ELMOD2: variants seen among roughly 807,000 people sequenced by gnomAD.
ELMOD2 encodes the protein ELMO domain containing 2.
ELMOD2 carries 28 observed loss-of-function variants against 41.0 expected under a neutral mutation model. The observed-to-expected ratio is 0.68, with a 90% CI of 0.51 to 0.94. The LOEUF is 0.94. ELMOD2 is among the 40% of genes least tolerant of loss of function. ELMOD2 has a pLI of 0.00. For synonymous variants in ELMOD2, 106 were observed against 107.2 expected (o/e 0.99, Z 0.07); for missense variants, 333 against 343.1 (o/e 0.97, Z 0.23).
intron 3 of ELMOD2, among the ~76,000 whole-genome samples, chr4:140,529,326 G>T (rs756101951): frequency 3.9e-5 from 6 of 152,204 alleles, no homozygotes; most frequent in African/African-American, 1.2e-4. Flanking sequence ...AAACAAGTTG[G>T]TTTGGAACTA....
intron 3 of ELMOD2, among the ~76,000 whole-genome samples, chr4:140,531,259 C>G (rs1159672676): frequency 6.6e-6 from 1 of 152,046 alleles, no homozygotes; most frequent in Non-Finnish European, 1.5e-5. Context: ...GTGCACTGTT[C>G]CACAGTGTGC....
At chr4:140,530,862 T>G (rs1734724345) in intron 3 of ELMOD2, among the ~76,000 whole-genome samples, 1 of 152,142 alleles carries the variant, frequency 6.6e-6, no homozygotes, top group Admixed American at 6.6e-5. Flanking sequence ...TAATTACATT[T>G]TTATTCGATA....
rs1421157522 is a variant in ELMOD2, at chr4:140,550,403, C to T, written c.*28C>T. On this transcript the variant is annotated 3_prime_UTR_variant, in exon 9 of 9. Transcript: ENST00000323570. ...CATCCACTGTATCTTCTATTTCTAC[C>T]ACATTTTGCACATTCAACAGAATTT... 2 of 1,559,316 alleles carry T rather than the reference C, an allele frequency of 1.3e-6. No individual in the cohort carries two copies.
chr4:140,550,367 A>G lies in ELMOD2; in HGVS notation c.874A>G (p.Lys292Glu), dbSNP rs139606864. The stretch of plus-strand genomic sequence containing the variant: ...GGATTGTAATGTAGCACTTACTTTA[A>G]AAGTATAAATCATCCACTGTATCTT... The part of the protein sequence containing the change: ...LLDCNVALTL[K>E]V The change falls in exon 9 of 9, where the codon AAA becomes GAA. Residue 292 changes from lysine (K) to glutamate (E), a missense_variant. Transcript: ENST00000323570. 41 of 1,601,582 alleles carry G rather than the reference A, an allele frequency of 2.6e-5. No individual in the cohort carries two copies. The African/African-American group carries it at 5.4e-4, about 21-fold the overall frequency.
chr4:140,541,048 T>C (rs1056637830), intron 6 of ELMOD2, among the ~76,000 whole-genome samples: 5 of 152,258 alleles, frequency 3.3e-5, no homozygotes, highest in Non-Finnish European at 7.3e-5. Context: ...CTCTCCTTTA[T>C]CTTCTTTAAT....
rs1223982732 is a variant in ELMOD2 at position 140,541,371 on chromosome 4, CTGT to C, written c.533+1072_533+1074del. On this transcript the variant is annotated intron_variant, in intron 6 of 8. Coordinates refer to ENST00000323570, the MANE Select transcript of ELMOD2 (RefSeq NM_153702.4). ...GATGTTTATTTTTCACCATTTGATACTGTTAAGATTGAGGTTAACTAAATTCAG... is the reference window on the plus strand; with the variant it reads ...GATGTTTATTTTTCACCATTTGATACTAAGATTGAGGTTAACTAAATTCAG... Among the ~76,000 whole-genome samples, 7 of 151,998 alleles carry C rather than the reference CTGT, an allele frequency of 4.6e-5. No individual in the cohort carries two copies. The South Asian group carries it at 6.2e-4, about 14-fold the overall frequency.
intron 3 of ELMOD2, chr4:140,527,832 A>G (rs995608440): frequency 2.4e-5 from 5 of 212,530 alleles, no homozygotes; most frequent in African/African-American, 1.1e-4. Flanking sequence ...AAAGCAACTT[A>G]GGATAGAGAA....
rs1578759155 is a variant in ELMOD2, at chr4:140,531,942, G to T, written c.172-3791G>T. 2.6e-5 allele frequency among the ~76,000 whole-genome samples: 4 copies of T among 152,088 alleles called. No homozygotes were observed. In the East Asian group the frequency reaches 7.7e-4, roughly 29 times the overall value. ...AGTGAAGTGTTAAACATTTAAGGGA[G>T]AAGAAATAATACCACTATTACATTA... On this transcript the variant is annotated intron_variant, in intron 3 of 8. Transcript: ENST00000323570.
chr4:140,540,952 A>G (rs1197734215), intron 6 of ELMOD2, among the ~76,000 whole-genome samples: 2 of 152,152 alleles, frequency 1.3e-5, no homozygotes, highest in Non-Finnish European at 1.5e-5. Context: ...AGGTGATAAT[A>G]AAGTCTCTTT....
At chr4:140,535,921 A>G (rs1734910435) in intron 4 of ELMOD2, 91 bp downstream of exon 4, 4 of 1,200,732 alleles carry the variant, frequency 3.3e-6, no homozygotes, top group Non-Finnish European at 4.6e-6. Context: ...TTAGAGCTGA[A>G]GGGTTTGTGG....
chr4:140,525,356 CT>C (rs1295853091), intron 1 of ELMOD2, 63 bp from the exon 2 acceptor site: 4 of 1,498,320 alleles, frequency 2.7e-6, no homozygotes, highest in Non-Finnish European at 3.6e-6. Flanking sequence ...GTTGTATAAA[CT>C]TTTTAAATTT....
Position 140,540,080 on chromosome 4 carries a change from T to C in ELMOD2, c.400-88T>C, listed in dbSNP as rs1735058472. ...AAAGTCTTTGCTTAACCTATGGTTT[T>C]TCTACAAAAGTTATTTGATAGCATT... On this transcript the variant is annotated intron_variant, in intron 5 of 8. Coordinates refer to ENST00000323570, the MANE Select transcript of ELMOD2 (RefSeq NM_153702.4). 2.1e-6 allele frequency: 3 copies of C among 1,459,246 alleles called. No individual in the cohort carries two copies. In the African/African-American group the frequency reaches 4.3e-5, roughly 21 times the overall value. The allele number at this position is 1,459,246 out of a possible 1,614,324, so 90.4% of individuals were successfully genotyped here. A position where few individuals can be genotyped will look rare whatever the true frequency, so the allele number is the denominator to read the frequency against.
At chr4:140,533,934 A>G (rs548959953) in intron 3 of ELMOD2, among the ~76,000 whole-genome samples, 4 of 152,224 alleles carry the variant, frequency 2.6e-5, no homozygotes, top group Admixed American at 2.0e-4. Flanking sequence ...CATACCTAAA[A>G]GTTACCTAAA....
chr4:140,537,457 TAAAC>T lies in ELMOD2; in HGVS notation c.317_320del (p.Lys106SerfsTer6), dbSNP rs777568889. On this transcript the variant is annotated frameshift_variant, in exon 5 of 9. Coordinates refer to ENST00000323570, the MANE Select transcript of ELMOD2 (RefSeq NM_153702.4). LOFTEE classifies it high-confidence loss of function. ...TGTGCTTACTGCAGATAACTGGTTA[TAAAC>T]AGCTGTATTTGGATGTAGAAAGTGT... The T allele has an allele frequency of 1.6e-4, 255 of 1,571,988 alleles. No individual in the cohort carries two copies. The highest frequency in any genetic ancestry group is 2.2e-4 in the Non-Finnish European group (255 of 1,163,614).
chr4:140,544,489 A>G (rs1235441788), intron 8 of ELMOD2, among the ~76,000 whole-genome samples: 2 of 151,840 alleles, frequency 1.3e-5, no homozygotes, highest in East Asian at 1.9e-4. Flanking sequence ...TTGTGGTAAC[A>G]CTCTTCTATT....
At chr4:140,527,333 G>A (rs1214758504) in intron 2 of ELMOD2, 133 bp from the exon 3 acceptor site, 1 of 761,502 alleles carries the variant, frequency 1.3e-6, no homozygotes, top group Non-Finnish European at 2.2e-6. Context: ...AATGCTTCCT[G>A]TTATATAGAA....
intron 8 of ELMOD2, among the ~76,000 whole-genome samples, chr4:140,546,285 A>G (rs894695598): frequency 2.6e-5 from 4 of 151,898 alleles, no homozygotes; most frequent in South Asian, 2.1e-4. Flanking sequence ...GACTTGAACA[A>G]TGAGAACACT....
intron 3 of ELMOD2, among the ~76,000 whole-genome samples, chr4:140,532,147 T>TACAAAAA (rs1734768789): frequency 6.6e-6 from 1 of 151,020 alleles, no homozygotes; most frequent in Non-Finnish European, 1.5e-5. Context: ...ATAAAAAGGA[T>TACAAAAA]AATATGTCAT....
intron 6 of ELMOD2, 79 bp downstream of exon 6, chr4:140,540,380 TG>T: frequency 3.3e-6 from 5 of 1,524,114 alleles, no homozygotes; most frequent in Non-Finnish European, 2.7e-6. Context: ...TAATAAGAAG[TG>T]ATCTAGTTGA....
Sources: allele counts gnomAD v4.1 joint callset (sites outside exome capture counted in the v4.1 genomes callset), GRCh38; gene constraint gnomAD v4.1.1; transcripts MANE v1.5; gene names NCBI Gene and HGNC (gene_info 2026-07-23, HGNC 2026-07-21).